Variants in FGD6 observed in about 807,000 individuals in gnomAD.
The protein encoded by FGD6 is FYVE, RhoGEF and PH domain-containing protein 6.
A neutral mutation model predicts 149.4 loss-of-function variants in FGD6; 90 were observed. The ratio of observed to expected loss-of-function variants is 0.60; its 90% CI spans 0.51 to 0.72. FGD6 has a LOEUF of 0.72. Ranked by LOEUF, FGD6 falls within the 30% of genes least tolerant of loss-of-function variation. The probability of loss-of-function intolerance (pLI) is 0.00; values close to 1 mark genes in which losing one functional copy is unlikely to be tolerated. For missense variants in FGD6, 1,437 were observed against 1,684.8 expected (o/e 0.85, Z 2.57); for synonymous variants, 527 against 584.0 (o/e 0.90, Z 1.41).
At chr12:95,164,224 ATTCTT>A (rs924450349) in intron 3 of FGD6, among the ~76,000 whole-genome samples, 123 of 77,470 alleles carry the variant, frequency 1.6e-3, no homozygotes, top group Non-Finnish European at 1.5e-3. Context: ...AGCTTTGTAA[ATTCTT>A]TTTTTTTTTT....
intron 2 of FGD6, among the ~76,000 whole-genome samples, chr12:95,173,750 C>A (rs577178107): frequency 3.9e-5 from 6 of 152,108 alleles, no homozygotes; most frequent in Non-Finnish European, 5.9e-5. Context: ...AAAAGATCCA[C>A]AATCATCAGG....
chr12:95,191,901 A>G (rs1177120628), intron 2 of FGD6, among the ~76,000 whole-genome samples: 2 of 152,014 alleles, frequency 1.3e-5, no homozygotes, highest in East Asian at 3.9e-4. Context: ...ACGCCTGGCT[A>G]ATTTTTTTGT....
At position 95,141,640 on chromosome 12, in the gene FGD6, C is replaced by G. The variant is rs1226542333; in HGVS notation, c.2686-101G>C. On this transcript the variant is annotated intron_variant, in intron 5 of 20. Coordinates refer to ENST00000343958, the MANE Select transcript of FGD6 (RefSeq NM_018351.4). ...CCTCCCTAAAATGATACAGATTGCA[C>G]AGCTGTATTTCTCATGCAGAATTAC... The G allele has an allele frequency of 5.4e-6, 7 of 1,297,862 alleles. No individual in the cohort carries two copies. The East Asian group carries it at 9.4e-5, about 17-fold the overall frequency. 80.4% of individuals were successfully genotyped at this position (1,297,862 alleles called of 1,614,324 possible). A position where few individuals can be genotyped will look rare whatever the true frequency, so the allele number is the denominator to read the frequency against.
At chr12:95,183,501 C>T (rs116096597) in intron 2 of FGD6, among the ~76,000 whole-genome samples, 6,553 of 152,256 alleles carry the variant, frequency 0.043, 197 homozygotes, top group Middle Eastern at 0.099. Flanking sequence ...CAGCCATTCC[C>T]GTAACCCTAA....
chr12:95,139,944 AC>A (rs1365124332), intron 6 of FGD6, among the ~76,000 whole-genome samples: 2 of 151,982 alleles, frequency 1.3e-5, no homozygotes, highest in African/African-American at 2.4e-5. Flanking sequence ...GCCTATCACG[AC>A]CTTTAAAGAC....
rs1422738310 is a variant in FGD6, at chr12:95,081,130, T to C, written c.*390A>G. The C allele has an allele frequency of 6.5e-6, 1 of 153,910 alleles. No individual in the cohort carries two copies. Among genetic ancestry groups the C allele is most frequent in the Non-Finnish European group, 1.4e-5 (1 of 69,010 alleles). 9.5% of individuals were successfully genotyped at this position (153,910 alleles called of 1,614,324 possible). A position where few individuals can be genotyped will look rare whatever the true frequency, so the allele number is the denominator to read the frequency against. On this transcript the variant is annotated 3_prime_UTR_variant, in exon 21 of 21. Coordinates refer to ENST00000343958, the MANE Select transcript of FGD6 (RefSeq NM_018351.4). ...CTTTGTGGAAATTTGCTCCTTGCTA[T>C]GTGTTTTTTCCTTACAAAGACTTTC...
At chr12:95,173,691 T>C (rs1881055821) in intron 2 of FGD6, among the ~76,000 whole-genome samples, 1 of 152,038 alleles carries the variant, frequency 6.6e-6, no homozygotes, top group Non-Finnish European at 1.5e-5. Flanking sequence ...TTTTCTGTCG[T>C]AAGTCTACAA....
intron 9 of FGD6, among the ~76,000 whole-genome samples, chr12:95,109,416 A>G (rs1878738440): frequency 6.6e-6 from 1 of 152,206 alleles, no homozygotes; most frequent in Admixed American, 6.5e-5. Flanking sequence ...GCCAAACTCC[A>G]TGCAATACTC....
chr12:95,118,956 T>C (rs1022414444), intron 8 of FGD6, among the ~76,000 whole-genome samples: 2 of 152,176 alleles, frequency 1.3e-5, no homozygotes, highest in Admixed American at 6.5e-5. Flanking sequence ...CTTGGCGAAG[T>C]GGTCAAGAGC....
chr12:95,172,728 C>G lies in FGD6; in HGVS notation c.2458G>C (p.Glu820Gln), dbSNP rs778654127. 1.2e-6 allele frequency: 2 copies of G among 1,610,714 alleles called. No homozygotes were observed. The change falls in exon 3 of 21, where the codon GAG (glutamate) becomes CAG (glutamine). Residue 820 changes from glutamate to glutamine, a missense_variant. This residue lies in a region of FGD6 where 1,055 missense variants were observed against 1,146.0 expected (regional missense o/e 0.92). Transcript: ENST00000343958. Reference sequence around the variant, plus strand: ...CCAAGACCAAGATCATTCTGTTCCTCCTGGGATGCTCCTGAACTGCATTCA... The same window carrying G: ...CCAAGACCAAGATCATTCTGTTCCTGCTGGGATGCTCCTGAACTGCATTCA... ...HQHSSSGASQ[E>Q]EQNDLGLGDL...
At chr12:95,206,712 A>C (rs192033582) in intron 2 of FGD6, among the ~76,000 whole-genome samples, 1 of 151,890 alleles carries the variant, frequency 6.6e-6, no homozygotes, top group African/African-American at 2.4e-5. Flanking sequence ...AAAAAAAAAA[A>C]AAAGAAAAAG....
At chr12:95,126,311 A>G (rs991455277) in intron 8 of FGD6, 34 of 1,529,980 alleles carry the variant, frequency 2.2e-5, no homozygotes, top group Non-Finnish European at 3.0e-5. Context: ...AGAAGGCAGC[A>G]CCTCCTCCAA....
chr12:95,196,872 C>T (rs1452849823), intron 2 of FGD6, among the ~76,000 whole-genome samples: 3 of 151,836 alleles, frequency 2.0e-5, no homozygotes, highest in East Asian at 3.9e-4. Context: ...ACTCCTGCCT[C>T]AAGTGATCCT....
Position 95,081,504 on chromosome 12 carries a change from G to C in FGD6, c.*16C>G, listed in dbSNP as rs746332961. 2 of 1,592,274 alleles carry C rather than the reference G, an allele frequency of 1.3e-6. No individual in the cohort carries two copies. Among genetic ancestry groups the C allele is most frequent in the Admixed American group, 1.7e-5 (1 of 58,574 alleles). ...TCCACCTCTTTGGAATCACAGAAGA[G>C]ATGAAACCAATACTGCTACAATATT... On this transcript the variant is annotated 3_prime_UTR_variant, in exon 21 of 21. Transcript: ENST00000343958.
At chr12:95,110,021 G>A (rs1878763922) in intron 9 of FGD6, among the ~76,000 whole-genome samples, 2 of 151,944 alleles carry the variant, frequency 1.3e-5, no homozygotes, top group South Asian at 4.2e-4. Context: ...CTGTCACCCA[G>A]GTTGGAGTGC....
intron 13 of FGD6, 103 bp from the exon 14 acceptor site, chr12:95,105,189 C>T: frequency 1.1e-6 from 1 of 927,496 alleles, no homozygotes; most frequent in Non-Finnish European, 1.7e-6. Context: ...CACAACCAAT[C>T]TTCCTATCCA....
Position 95,210,362 on chromosome 12 carries a change from A to G in FGD6, c.922T>C (p.Tyr308His). 1 of 1,613,516 alleles carries G rather than the reference A, an allele frequency of 6.2e-7. No individual in the cohort carries two copies. Among genetic ancestry groups the G allele is most frequent in the Non-Finnish European group, 8.5e-7 (1 of 1,179,924 alleles). Residue 308 changes from tyrosine (Y) to histidine (H), a missense_variant, in exon 2 of 21, where the codon TAT (tyrosine) becomes CAT (histidine). Coordinates refer to ENST00000343958, the MANE Select transcript of FGD6 (RefSeq NM_018351.4). ...TTGGGAGTTGGAAATTTTGGGGTAT[A>G]TGGTACTAAATGAATTTCTAAGGGA... is the stretch of plus-strand genomic sequence containing the variant. ...LGPLEIHLVP[Y>H]TPKFPTPKPR...
chr12:95,186,225 CTTCTTTT>C lies in FGD6; in HGVS notation c.2442-13488_2442-13482del, dbSNP rs1881428957. Among the ~76,000 whole-genome samples, 8 of 71,200 alleles carry C rather than the reference CTTCTTTT, an allele frequency of 1.1e-4. 3 individuals carry two copies. The highest frequency in any genetic ancestry group is 9.6e-4 in the South Asian group (2 of 2,082). 46.7% of individuals were successfully genotyped at this position (71,200 alleles called of 152,430 possible). ...AGCTAAGAATGCTTCTTATATTCTT[CTTCTTTT>C]TTTTTTTTTTTTTTTTTTTTTTTTT... On this transcript the variant is annotated intron_variant, in intron 2 of 20. Coordinates refer to ENST00000343958, the MANE Select transcript of FGD6 (RefSeq NM_018351.4).
intron 3 of FGD6, among the ~76,000 whole-genome samples, chr12:95,166,139 C>A (rs1880806793): frequency 6.6e-6 from 1 of 151,988 alleles, no homozygotes; most frequent in Non-Finnish European, 1.5e-5. Flanking sequence ...TGTTGCCCAG[C>A]CTGGTCTCAA....
Sources: gnomAD v4.1 joint callset for allele counts (sites outside exome capture counted in the v4.1 genomes callset) on GRCh38, gnomAD v4.1.1 for gene constraint, gnomAD v4.1.1 regional missense constraint, MANE v1.5 for transcripts, NCBI Gene and HGNC (gene_info 2026-07-23, HGNC 2026-07-21) for gene names.